Variants in PDE10A observed in about 807,000 individuals in gnomAD.
PDE10A encodes phosphodiesterase 10A.
In PDE10A, 39 loss-of-function variants were observed where a neutral mutation model predicts 97.7. The observed-to-expected ratio is 0.40, with a 90% confidence interval of 0.31 to 0.52. PDE10A has a LOEUF of 0.52. PDE10A is among the 20% of genes least tolerant of loss of function. The pLI, the probability that PDE10A is intolerant of heterozygous loss-of-function variation, is 0.56. For synonymous variants in PDE10A, 371 were observed against 376.8 expected (o/e 0.98, Z 0.18); for missense variants, 731 against 1,047.8 (o/e 0.70, Z 4.17).
chr6:165,648,162 A>G (rs1285587467), intron 1 of PDE10A, among the ~76,000 whole-genome samples: 8 of 152,006 alleles, frequency 5.3e-5, no homozygotes, highest in African/African-American at 1.7e-4. Flanking sequence ...ATAGGCGCCC[A>G]CCACCACGCC....
intron 2 of PDE10A, among the ~76,000 whole-genome samples, chr6:165,533,681 T>C (rs905439205): frequency 1.3e-5 from 2 of 152,166 alleles, no homozygotes; most frequent in African/African-American, 4.8e-5. Context: ...CTAGAAATAA[T>C]TATTCAACCT....
intron 1 of PDE10A, among the ~76,000 whole-genome samples, chr6:165,866,978 C>A (rs1011845975): frequency 1.2e-4 from 18 of 151,778 alleles, no homozygotes; most frequent in Admixed American, 1.2e-3. Context: ...ATGATATATA[C>A]CATCATGAAA....
At chr6:165,581,022 TAA>T (rs1012076100) in intron 1 of PDE10A, among the ~76,000 whole-genome samples, 8 of 152,242 alleles carry the variant, frequency 5.3e-5, no homozygotes, top group Admixed American at 2.0e-4. Context: ...TTTAGCACAT[TAA>T]GTTAGAAAAA....
At chr6:165,972,562 A>G (rs965318244) in intron 1 of PDE10A, among the ~76,000 whole-genome samples, 2 of 152,310 alleles carry the variant, frequency 1.3e-5, no homozygotes, top group African/African-American at 4.8e-5. Context: ...GGGGAGACAC[A>G]GCGCACCCAA....
chr6:165,486,261 A>G (rs1287792108), intron 2 of PDE10A, among the ~76,000 whole-genome samples: 3 of 152,224 alleles, frequency 2.0e-5, no homozygotes, highest in Non-Finnish European at 4.4e-5. Flanking sequence ...CGAACACCAC[A>G]GCTGCAGAAC....
chr6:165,918,943 C>T (rs1782679436), intron 1 of PDE10A, among the ~76,000 whole-genome samples: 1 of 152,146 alleles, frequency 6.6e-6, no homozygotes, highest in Non-Finnish European at 1.5e-5. Context: ...CTGCTCTCAC[C>T]AAATGGCAAA....
At chr6:165,809,140 G>A (rs538165739) in intron 1 of PDE10A, among the ~76,000 whole-genome samples, 8 of 152,306 alleles carry the variant, frequency 5.3e-5, no homozygotes, top group South Asian at 4.1e-4. Flanking sequence ...AGAGAACCAC[G>A]TTCTCTGAGG....
intron 1 of PDE10A, among the ~76,000 whole-genome samples, chr6:165,693,256 C>T (rs567298486): frequency 6.6e-6 from 1 of 152,180 alleles, no homozygotes; most frequent in East Asian, 1.9e-4. Flanking sequence ...TGAGGCCGGG[C>T]ACGGTGGCTC....
intron 1 of PDE10A, among the ~76,000 whole-genome samples, chr6:165,823,079 G>T (rs1318123350): frequency 6.6e-6 from 1 of 151,706 alleles, no homozygotes; most frequent in East Asian, 2.0e-4. Context: ...TGATCCACCC[G>T]CCTCGTCCTC....
At chr6:165,838,807 C>T (rs1184301970) in intron 1 of PDE10A, among the ~76,000 whole-genome samples, 1 of 152,240 alleles carries the variant, frequency 6.6e-6, no homozygotes, top group East Asian at 1.9e-4. Context: ...CTGCTATCTG[C>T]TCCATTCCAT....
At chr6:165,691,593 A>ACACG (rs1791302608) in intron 1 of PDE10A, among the ~76,000 whole-genome samples, 1 of 15,360 alleles carries the variant, frequency 6.5e-5, no homozygotes, top group South Asian at 2.0e-3. Context: ...ACGCGCGCGC[A>ACACG]CACACACACA....
At chr6:165,674,927 A>G (rs1790753588) in intron 1 of PDE10A, among the ~76,000 whole-genome samples, 1 of 152,104 alleles carries the variant, frequency 6.6e-6, no homozygotes. Context: ...CTTAGACTCC[A>G]CACTTCTCTC....
chr6:165,806,554 C>T (rs1003173074), intron 1 of PDE10A, among the ~76,000 whole-genome samples: 37 of 152,178 alleles, frequency 2.4e-4, no homozygotes, highest in African/African-American at 8.2e-4. Context: ...TGGCCTCACT[C>T]GTGGGATGTG....
chr6:165,859,248 A>G (rs1242780282), intron 1 of PDE10A, among the ~76,000 whole-genome samples: 1 of 152,244 alleles, frequency 6.6e-6, no homozygotes, highest in African/African-American at 2.4e-5. Flanking sequence ...CATGGGGCAG[A>G]GCACACTAGA....
At chr6:165,969,443 C>T (rs950861778) in intron 1 of PDE10A, among the ~76,000 whole-genome samples, 10 of 151,994 alleles carry the variant, frequency 6.6e-5, no homozygotes, top group Admixed American at 2.6e-4. Flanking sequence ...GTAGCTATAG[C>T]GATGGAGGAG....
chr6:165,977,951 C>T (rs1224296010), intron 1 of PDE10A, among the ~76,000 whole-genome samples: 1 of 152,172 alleles, frequency 6.6e-6, no homozygotes, highest in Non-Finnish European at 1.5e-5. Flanking sequence ...AGCTGAATCC[C>T]ACAGATTAAA....
chr6:165,555,111 CATTAGGGTGACTATAGTCAATA>C (rs1277237388), intron 1 of PDE10A, among the ~76,000 whole-genome samples: 1 of 152,112 alleles, frequency 6.6e-6, no homozygotes, highest in Non-Finnish European at 1.5e-5. Flanking sequence ...TTTGATACCA[CATTAGGGTGACTATAGTCAATA>C]ATAACCTACC....
At chr6:165,691,104 T>TCTCTCTCTCCC (rs1791266799) in intron 1 of PDE10A, among the ~76,000 whole-genome samples, 1 of 30,050 alleles carries the variant, frequency 3.3e-5, no homozygotes, top group Non-Finnish European at 7.6e-5. Context: ...TCTCTTTCTC[T>TCTCTCTCTCCC]CTCCCCCCCC....
chr6:165,540,756 A>T (rs548785942), intron 2 of PDE10A, among the ~76,000 whole-genome samples: 2 of 152,284 alleles, frequency 1.3e-5, no homozygotes, highest in South Asian at 4.1e-4. Context: ...CAGCCTCCCA[A>T]GTAGCTGGGA....
Sources: allele counts gnomAD v4.1 joint callset (sites outside exome capture counted in the v4.1 genomes callset), GRCh38; gene constraint gnomAD v4.1.1; transcripts MANE v1.5; gene names NCBI Gene and HGNC (gene_info 2026-07-23, HGNC 2026-07-21).